The following CCNB2 variants were observed in gnomAD, a reference collection of about 807,000 sequenced individuals.
The protein encoded by CCNB2 is cyclin B2.
Under a neutral mutation model 51.1 loss-of-function variants are expected in CCNB2, and 39 were observed. The ratio of observed to expected loss-of-function variants is 0.76; its 90% CI spans 0.59 to 1.00. The LOEUF (loss-of-function observed/expected upper bound fraction) is 1.00, where lower values mean the gene tolerates loss of function less well. Among genes scored for constraint, CCNB2 ranks in the 50% least tolerant of loss-of-function variants. CCNB2 has a pLI of 0.00. For missense variants in CCNB2, 472 were observed against 470.3 expected, an observed-to-expected ratio of 1.00 and a Z score of -0.03; for synonymous variants, 174 against 165.5, an observed-to-expected ratio of 1.05 and a Z score of -0.40.
At chr15:59,113,928 C>T (rs758876915) in intron 3 of CCNB2, among the ~76,000 whole-genome samples, 11 of 152,308 alleles carry the variant, frequency 7.2e-5, no homozygotes, top group East Asian at 1.9e-4. Flanking sequence ...TCTTGAACTC[C>T]GGGGCTCAAG....
intron 1 of CCNB2, among the ~76,000 whole-genome samples, chr15:59,106,167 A>T (rs1246438063): frequency 6.6e-6 from 1 of 152,324 alleles, no homozygotes; most frequent in Non-Finnish European, 1.5e-5. Context: ...ATTGAGTCAC[A>T]TTACCAGGCT....
chr15:59,105,146 G>C lies in CCNB2; in HGVS notation c.-123G>C. On this transcript the variant is annotated 5_prime_UTR_variant, in exon 1 of 9. Transcript: ENST00000288207. ...AATCCTGGAACAAGGCTACAGCGTC[G>C]AAGATCCCCAGCGCTGCGGGCTCGG... The C allele has an allele frequency of 1.1e-6, 1 of 901,840 alleles. No individual in the cohort carries two copies. Among genetic ancestry groups the C allele is most frequent in the Non-Finnish European group, 1.7e-6 (1 of 599,006 alleles). The allele number at this position is 901,840 out of a possible 1,614,324, so 55.9% of individuals were successfully genotyped here.
At chr15:59,106,357 C>T (rs2079235659) in intron 1 of CCNB2, among the ~76,000 whole-genome samples, 3 of 152,178 alleles carry the variant, frequency 2.0e-5, no homozygotes, top group Admixed American at 6.5e-5. Flanking sequence ...TATTCTATAA[C>T]GTTATTTAAT....
At chr15:59,108,307 A>C (rs1316373978) in intron 3 of CCNB2, among the ~76,000 whole-genome samples, 3 of 152,202 alleles carry the variant, frequency 2.0e-5, no homozygotes, top group African/African-American at 7.2e-5. Context: ...GTTGGATTTG[A>C]AGGACTTGGA....
At chr15:59,108,545 T>TTCAGGGACA (rs28383503) in intron 3 of CCNB2, among the ~76,000 whole-genome samples, 67,118 of 151,608 alleles carry the variant, frequency 0.44, 15,998 homozygotes, top group African/African-American at 0.63. Flanking sequence ...CAGAATGTCT[T>TTCAGGGACA]TCATCTTGTA....
intron 3 of CCNB2, among the ~76,000 whole-genome samples, chr15:59,109,725 G>T (rs1349456894): frequency 6.6e-6 from 1 of 152,176 alleles, no homozygotes; most frequent in Non-Finnish European, 1.5e-5. Flanking sequence ...AGTGGCTCAC[G>T]CCTGTAATCC....
rs1491321979 is a variant in CCNB2, at chr15:59,123,689, T to TGTG, written c.1086+63_1086+64insTGG. The TGTG allele has an allele frequency of 1.0e-4, 48 of 458,934 alleles. 1 individual carries two copies. The African/African-American group carries it at 1.4e-3, about 14-fold the overall frequency. The allele number at this position is 458,934 out of a possible 1,614,324, so 28.4% of individuals were successfully genotyped here. ...TAGGTTCTGGGTTTTGTGTGTATGT[T>TGTG]GGGCGGGGGGGGGCGGTGTGTGCCG... On this transcript the variant is annotated intron_variant, in intron 8 of 8. Coordinates refer to ENST00000288207, the MANE Select transcript of CCNB2 (RefSeq NM_004701.4).
chr15:59,117,023 C>T (rs1003105295), intron 6 of CCNB2, 97 bp downstream of exon 6: 2 of 1,099,854 alleles, frequency 1.8e-6, no homozygotes, highest in African/African-American at 1.6e-5. Context: ...TAGGACGCTT[C>T]CTTTAGGTAA....
chr15:59,116,719 A>T lies in CCNB2; in HGVS notation c.627A>T (p.Gln209His). 1.2e-6 allele frequency: 2 copies of T among 1,612,194 alleles called. No individual in the cohort carries two copies. The highest frequency in any genetic ancestry group is 1.7e-6 in the Non-Finnish European group (2 of 1,179,750). The change falls in exon 6 of 9, where the codon CAA becomes CAT. Residue 209 changes from glutamine to histidine, a missense_variant. Transcript: ENST00000288207. ...AGCCAGTTTCCCGGAAGAAGCTTCA[A>T]TTAGTTGGGATTACTGCTCTGCTCT... is the stretch of plus-strand genomic sequence containing the variant. ...QVQPVSRKKL[Q>H]LVGITALLLA...
At position 59,116,691 on chromosome 15, in the gene CCNB2, T is replaced by C. The variant is rs1383496240; in HGVS notation, c.599T>C (p.Val200Ala). ...CVGIMDRFLQ[V>A]QPVSRKKLQL... Reference sequence around the variant, plus strand: ...TTTGTTACATTAATTTTCCATTAGGTTCAGCCAGTTTCCCGGAAGAAGCTT... The same window carrying C: ...TTTGTTACATTAATTTTCCATTAGGCTCAGCCAGTTTCCCGGAAGAAGCTT... Residue 200 changes from valine to alanine, a missense_variant and splice_region_variant, in exon 6 of 9, where the codon GTT (valine) becomes GCT (alanine). Val to Ala is a moderately conservative substitution (Grantham distance 64, BLOSUM62 0). Coordinates refer to ENST00000288207, the MANE Select transcript of CCNB2 (RefSeq NM_004701.4). The C allele has an allele frequency of 2.5e-6, 4 of 1,606,222 alleles. No individual in the cohort carries two copies. In the South Asian group the frequency reaches 4.4e-5, roughly 18 times the overall value.
chr15:59,117,479 G>A, intron 7 of CCNB2, 111 bp downstream of exon 7: 1 of 1,158,122 alleles, frequency 8.6e-7, no homozygotes, highest in Non-Finnish European at 1.2e-6. Context: ...GTTTTGTTTT[G>A]TGTTTTTGAG....
At chr15:59,113,989 A>G (rs2079268210) in intron 3 of CCNB2, among the ~76,000 whole-genome samples, 1 of 152,242 alleles carries the variant, frequency 6.6e-6, no homozygotes, top group South Asian at 2.1e-4. Context: ...GGCGTGAGCC[A>G]CCGTGCATGG....
At position 59,123,565 on chromosome 15, in the gene CCNB2, G is replaced by C. The variant is rs2079312261; in HGVS notation, c.1024G>C (p.Glu342Gln). 2.5e-6 allele frequency: 4 copies of C among 1,613,470 alleles called. No homozygotes were observed. In the East Asian group the frequency reaches 8.9e-5, roughly 36 times the overall value. ...AGGATACACAGAGAATGAAGTATTGGAAGTCATGCAGCACATGGCCAAGAA... is the reference window on the plus strand; with the variant it reads ...AGGATACACAGAGAATGAAGTATTGCAAGTCATGCAGCACATGGCCAAGAA... ...YTGYTENEVL[E>Q]VMQHMAKNVV... The change falls in exon 8 of 9, where the codon GAA becomes CAA. Residue 342 changes from glutamate (E) to glutamine (Q), a missense_variant. Coordinates refer to ENST00000288207, the MANE Select transcript of CCNB2 (RefSeq NM_004701.4).
intron 3 of CCNB2, among the ~76,000 whole-genome samples, chr15:59,111,856 C>CTTTTTT (rs11327656): frequency 7.5e-6 from 1 of 133,982 alleles, no homozygotes; most frequent in Non-Finnish European, 1.6e-5. Flanking sequence ...TTCTTTCTTT[C>CTTTTTT]TTTTTTTTTT....
rs1464175206 is a variant in CCNB2, at chr15:59,124,758, C to T, written c.1087-9C>T. 2 of 1,601,708 alleles carry T rather than the reference C, an allele frequency of 1.2e-6. No homozygotes were observed. The highest frequency in any genetic ancestry group is 2.7e-5 in the African/African-American group (2 of 74,654). ...CTGACATGTGCTTAATCACAAATGA[C>T]TTCTGCAGGCCATCAAGAATAAGTA... On this transcript the variant is annotated splice_polypyrimidine_tract_variant and intron_variant, in intron 8 of 8. Transcript: ENST00000288207.
chr15:59,110,664 A>G (rs967823203), intron 3 of CCNB2, among the ~76,000 whole-genome samples: 1 of 152,168 alleles, frequency 6.6e-6, no homozygotes, highest in Non-Finnish European at 1.5e-5. Flanking sequence ...CTTCTAACCA[A>G]ATTTATACTA....
In CCNB2 at chr15:59,123,556, G is replaced by T. The variant is rs760230293; in HGVS notation, c.1015G>T (p.Glu339Ter). Residue 339 changes from glutamate (E) to a stop codon, truncating the protein, a stop_gained, in exon 8 of 9, where the codon GAA becomes TAA. Transcript: ENST00000288207. LOFTEE classifies it high-confidence loss of function. ...QQYYTGYTEN[E>*]VLEVMQHMAK... ...GTATTACACAGGATACACAGAGAAT[G>T]AAGTATTGGAAGTCATGCAGCACAT... 6.2e-7 allele frequency: 1 copy of T among 1,613,430 alleles called. No homozygotes were observed. The highest frequency in any genetic ancestry group is 2.2e-5 in the East Asian group (1 of 44,858).
chr15:59,120,399 A>G (rs60785075), intron 7 of CCNB2, among the ~76,000 whole-genome samples: 5,460 of 152,238 alleles, frequency 0.036, 200 homozygotes, highest in African/African-American at 0.09. Flanking sequence ...AGGCTGAGGC[A>G]GGATCCCTTG....
At chr15:59,119,542 A>G (rs2079293614) in intron 7 of CCNB2, among the ~76,000 whole-genome samples, 1 of 152,150 alleles carries the variant, frequency 6.6e-6, no homozygotes, top group Non-Finnish European at 1.5e-5. Context: ...AGTATGACAA[A>G]ATAAAGGACT....
Sources: allele counts gnomAD v4.1 joint callset (sites outside exome capture counted in the v4.1 genomes callset), GRCh38; gene constraint gnomAD v4.1.1; transcripts MANE v1.5; gene names NCBI Gene and HGNC (gene_info 2026-07-23, HGNC 2026-07-21).